The following MPPED1 variants were observed in gnomAD, a reference collection of about 807,000 sequenced individuals.
MPPED1 encodes the protein metallophosphoesterase domain-containing protein 1.
Under a neutral mutation model 36.2 loss-of-function variants are expected in MPPED1, and 16 were observed. The observed-to-expected ratio is 0.44, with a 90% CI of 0.30 to 0.67. The LOEUF is 0.67. MPPED1 is among the 30% of genes least tolerant of loss of function. The pLI is 0.10. For synonymous variants in MPPED1, 199 were observed against 191.3 expected (o/e 1.04, Z -0.33); for missense variants, 307 against 453.4 (o/e 0.68, Z 2.93).
In MPPED1 at chr22:43,505,660, C is replaced by T. The variant is rs1381278327; in HGVS notation, c.*44C>T. 1.3e-6 allele frequency: 2 copies of T among 1,525,246 alleles called. No homozygotes were observed. Among genetic ancestry groups the T allele is most frequent in the East Asian group, 4.8e-5 (2 of 41,818 alleles). The allele number at this position is 1,525,246 out of a possible 1,614,324, so 94.5% of individuals were successfully genotyped here. A position where few individuals can be genotyped will look rare whatever the true frequency, so the allele number is the denominator to read the frequency against. The stretch of plus-strand genomic sequence containing the variant: ...GCCCTGCCCGCCCGTGTCAGCTCCA[C>T]AGGCCTGGCCCGGCCACTGTTCCTT... On this transcript the variant is annotated 3_prime_UTR_variant, in exon 7 of 7. Coordinates refer to ENST00000443721, the MANE Select transcript of MPPED1 (RefSeq NM_001044370.2).
intron 3 of MPPED1, among the ~76,000 whole-genome samples, chr22:43,447,267 A>G (rs937524947): frequency 6.6e-6 from 1 of 152,194 alleles, no homozygotes; most frequent in African/African-American, 2.4e-5. Flanking sequence ...TCTTACTGAC[A>G]TGCTTTTTCT....
chr22:43,424,521 CT>C (rs1182229689), intron 1 of MPPED1, among the ~76,000 whole-genome samples: 2 of 152,044 alleles, frequency 1.3e-5, no homozygotes, highest in African/African-American at 4.8e-5. Flanking sequence ...AAAAGTAAAA[CT>C]TAACTCACCT....
At chr22:43,473,660 G>A (rs1459281406) in intron 3 of MPPED1, among the ~76,000 whole-genome samples, 2 of 152,210 alleles carry the variant, frequency 1.3e-5, no homozygotes, top group African/African-American at 4.8e-5. Flanking sequence ...TGGGGAGTGG[G>A]GAGTCAGGGG....
At chr22:43,471,327 C>G (rs527528145) in intron 3 of MPPED1, among the ~76,000 whole-genome samples, 3 of 152,158 alleles carry the variant, frequency 2.0e-5, no homozygotes, top group Admixed American at 6.5e-5. Flanking sequence ...ACCCCCAACC[C>G]GAGCTGGGGG....
intron 2 of MPPED1, among the ~76,000 whole-genome samples, chr22:43,434,720 G>T (rs1312213411): frequency 6.6e-6 from 1 of 152,232 alleles, no homozygotes; most frequent in Non-Finnish European, 1.5e-5. Flanking sequence ...CCTCAGCTCG[G>T]AGGGCAGATG....
At chr22:43,429,502 C>T (rs540286561) in intron 2 of MPPED1, among the ~76,000 whole-genome samples, 1 of 152,358 alleles carries the variant, frequency 6.6e-6, no homozygotes, top group South Asian at 2.1e-4. Flanking sequence ...GCTTTTTGCC[C>T]TGTGAGCACT....
chr22:43,452,785 C>T (rs1035016889), intron 3 of MPPED1, among the ~76,000 whole-genome samples: 1 of 151,908 alleles, frequency 6.6e-6, no homozygotes, highest in African/African-American at 2.4e-5. Flanking sequence ...CATGCCACCA[C>T]GCCTGGCTAC....
intron 1 of MPPED1, 55 bp downstream of exon 1, chr22:43,412,213 G>A (rs1928926120): frequency 1.1e-6 from 1 of 918,066 alleles, no homozygotes; most frequent in South Asian, 4.9e-5. Flanking sequence ...CCGGGCGCGG[G>A]GCGCGGCCGG....
At chr22:43,478,257 C>A (rs1055059808) in intron 4 of MPPED1, among the ~76,000 whole-genome samples, 1 of 152,142 alleles carries the variant, frequency 6.6e-6, no homozygotes, top group African/African-American at 2.4e-5. Flanking sequence ...TGCATATGGG[C>A]CTTTTTGGCC....
At chr22:43,417,770 C>A in intron 1 of MPPED1, 1 of 272,772 alleles carries the variant, frequency 3.7e-6, no homozygotes, top group Non-Finnish European at 7.3e-6. Flanking sequence ...TCTGCATCGC[C>A]CTGAGCCACC....
chr22:43,470,591 T>C (rs556732298), intron 3 of MPPED1, among the ~76,000 whole-genome samples: 244 of 152,366 alleles, frequency 1.6e-3, no homozygotes, highest in African/African-American at 5.7e-3. Context: ...TATCCATCCA[T>C]GCATCCATCC....
At position 43,463,819 on chromosome 22, in the gene MPPED1, C is replaced by CTTTTTTTTTTTT. The variant is rs1480549521; in HGVS notation, c.407-10914_407-10913insTTTTTTTTTTTT. Among the ~76,000 whole-genome samples, 262 of 83,478 alleles carry CTTTTTTTTTTTT rather than the reference C, an allele frequency of 3.1e-3. 9 individuals carry two copies. The highest frequency in any genetic ancestry group is 4.9e-3 in the Non-Finnish European group (183 of 37,560). 54.8% of individuals were successfully genotyped at this position (83,478 alleles called of 152,430 possible). A position where few individuals can be genotyped will look rare whatever the true frequency, so the allele number is the denominator to read the frequency against. Reference sequence around the variant, plus strand: ...TTTTCATTTTTTCTTTTCTTTCTTTCTTTCTTTCTTTCTTTCTTTCTTTCT... The same window carrying CTTTTTTTTTTTT: ...TTTTCATTTTTTCTTTTCTTTCTTTCTTTTTTTTTTTTTTTCTTTCTTTCTTTCTTTCTTTCT... On this transcript the variant is annotated intron_variant, in intron 3 of 6. Transcript: ENST00000443721.
chr22:43,460,004 C>T lies in MPPED1; in HGVS notation c.407-14732C>T, dbSNP rs893093367. 1.1e-4 allele frequency among the ~76,000 whole-genome samples: 16 copies of T among 151,704 alleles called. No individual in the cohort carries two copies. The East Asian group carries it at 2.0e-3, about 19-fold the overall frequency. On this transcript the variant is annotated intron_variant, in intron 3 of 6. Coordinates refer to ENST00000443721, the MANE Select transcript of MPPED1 (RefSeq NM_001044370.2). ...CGAGTGGATCACGAGGTCAAGAGAT[C>T]GAGACCATCCTGGCCAACATGGTGA...
At chr22:43,463,807 T>TTTTCTTTCTTTCTTTTTTTTC (rs1491212045) in intron 3 of MPPED1, among the ~76,000 whole-genome samples, 2 of 112,890 alleles carry the variant, frequency 1.8e-5, no homozygotes, top group Non-Finnish European at 3.7e-5. Flanking sequence ...TCATTTTTTC[T>TTTTCTTTCTTTCTTTTTTTTC]TTTCTTTCTT....
intron 5 of MPPED1, among the ~76,000 whole-genome samples, chr22:43,500,212 T>G (rs1271236178): frequency 1.3e-5 from 1 of 77,684 alleles, no homozygotes; most frequent in Non-Finnish European, 2.4e-5. Context: ...ATGGAGGTGG[T>G]GGGGGTGATG....
chr22:43,492,225 TG>T (rs1013907999), intron 4 of MPPED1, among the ~76,000 whole-genome samples: 20 of 152,076 alleles, frequency 1.3e-4, no homozygotes, highest in Admixed American at 2.0e-4. Flanking sequence ...AATGGGAAAT[TG>T]GGGCATAGAA....
chr22:43,465,429 T>C (rs562152119), intron 3 of MPPED1, among the ~76,000 whole-genome samples: 1 of 152,306 alleles, frequency 6.6e-6, no homozygotes, highest in South Asian at 2.1e-4. Context: ...GCCCTTGCCA[T>C]GGGTTGTAAG....
chr22:43,447,884 T>TA (rs1491157280), intron 3 of MPPED1, among the ~76,000 whole-genome samples: 7,300 of 45,434 alleles, frequency 0.16, 361 homozygotes, highest in South Asian at 0.21. Flanking sequence ...TATATATATA[T>TA]TTTTTTTTTT....
chr22:43,503,298 C>G (rs1353003392), intron 6 of MPPED1, among the ~76,000 whole-genome samples: 1 of 152,230 alleles, frequency 6.6e-6, no homozygotes, highest in Non-Finnish European at 1.5e-5. Context: ...CCTAGTAGAC[C>G]TCAGCCATCC....
Sources: allele counts gnomAD v4.1 joint callset (sites outside exome capture counted in the v4.1 genomes callset), GRCh38; gene constraint gnomAD v4.1.1; transcripts MANE v1.5; gene names NCBI Gene and HGNC (gene_info 2026-07-23, HGNC 2026-07-21).